Variants in CHCHD3 observed in about 807,000 individuals in gnomAD.
CHCHD3 encodes coiled-coil-helix-coiled-coil-helix domain containing 3, also known as MICOS complex subunit MIC19.
Under a neutral mutation model 38.2 loss-of-function variants are expected in CHCHD3, and 20 were observed. The ratio of observed to expected loss-of-function variants is 0.52; its 90% CI spans 0.37 to 0.76. The LOEUF (loss-of-function observed/expected upper bound fraction) is 0.76. Ranked by LOEUF, CHCHD3 falls within the 30% of genes least tolerant of loss-of-function variation. The probability of loss-of-function intolerance (pLI) is 0.00; values close to 1 mark genes in which losing one functional copy is unlikely to be tolerated. For missense variants in CHCHD3, 245 were observed against 279.2 expected, an observed-to-expected ratio of 0.88 and a Z score of 0.87; for synonymous variants, 82 against 100.0, an observed-to-expected ratio of 0.82 and a Z score of 1.07.
chr7:132,986,958 G>T (rs1812139072), intron 3 of CHCHD3, among the ~76,000 whole-genome samples: 1 of 151,956 alleles, frequency 6.6e-6, no homozygotes, highest in Non-Finnish European at 1.5e-5. Context: ...GTACAAGAAG[G>T]TCTACACAAT....
intron 4 of CHCHD3, among the ~76,000 whole-genome samples, chr7:132,938,535 C>T (rs1307533049): frequency 6.6e-6 from 1 of 151,838 alleles, no homozygotes; most frequent in Middle Eastern, 3.2e-3. Flanking sequence ...ACACAGGCAG[C>T]CTAGGCAAGT....
chr7:132,976,239 A>G lies in CHCHD3; in HGVS notation c.252-953T>C, dbSNP rs138953978. 8.9e-4 allele frequency among the ~76,000 whole-genome samples: 135 copies of G among 152,310 alleles called. No individual in the cohort carries two copies. In the Middle Eastern group the frequency reaches 0.031, roughly 35 times the overall value. On this transcript the variant is annotated intron_variant, in intron 3 of 7. Transcript: ENST00000262570. ...GGCTCCTCACTTCTGGAATGACTCCAATCGATCTGTTAGCTCCAAACTAAA... is the reference window on the plus strand; with the variant it reads ...GGCTCCTCACTTCTGGAATGACTCCGATCGATCTGTTAGCTCCAAACTAAA...
intron 2 of CHCHD3, among the ~76,000 whole-genome samples, chr7:133,068,280 A>G (rs1346905616): frequency 1.3e-5 from 2 of 152,236 alleles, no homozygotes; most frequent in Non-Finnish European, 2.9e-5. Context: ...ATAAGCACTT[A>G]CTAAGAAGCA....
At chr7:132,827,936 A>T (rs1402445879) in intron 6 of CHCHD3, among the ~76,000 whole-genome samples, 1 of 152,162 alleles carries the variant, frequency 6.6e-6, no homozygotes, top group African/African-American at 2.4e-5. Context: ...TATTCCAATC[A>T]GCTTTGCCAT....
In CHCHD3 at chr7:132,933,751, T is replaced by C. The variant is rs140832811; in HGVS notation, c.369+41418A>G. 6.6e-4 allele frequency among the ~76,000 whole-genome samples: 100 copies of C among 152,250 alleles called. 2 individuals are homozygous for C. The highest frequency in any genetic ancestry group is 2.3e-3 in the African/African-American group (97 of 41,544). On this transcript the variant is annotated intron_variant, in intron 4 of 7. Transcript: ENST00000262570. Reference sequence around the variant, plus strand: ...ATTACTCACTCAGGCACAGGAAAGGTGAAAAGAATCCCTGGGCAAAGGGGC... The same window carrying C: ...ATTACTCACTCAGGCACAGGAAAGGCGAAAAGAATCCCTGGGCAAAGGGGC...
intron 4 of CHCHD3, among the ~76,000 whole-genome samples, chr7:132,920,595 C>G (rs1810236134): frequency 6.6e-6 from 1 of 152,072 alleles, no homozygotes; most frequent in Non-Finnish European, 1.5e-5. Context: ...TTTACTCTGT[C>G]GTCATGAAAA....
At chr7:132,832,978 A>G (rs1807686593) in intron 6 of CHCHD3, among the ~76,000 whole-genome samples, 1 of 152,226 alleles carries the variant, frequency 6.6e-6, no homozygotes, top group Non-Finnish European at 1.5e-5. Context: ...GAATTTGTTT[A>G]AAAACAAATA....
intron 3 of CHCHD3, among the ~76,000 whole-genome samples, chr7:132,977,981 C>T (rs937091069): frequency 1.3e-5 from 2 of 152,092 alleles, no homozygotes; most frequent in Admixed American, 6.6e-5. Context: ...GATATGCAAA[C>T]TCTGGGTCCA....
At chr7:132,897,704 C>A (rs1229815757) in intron 4 of CHCHD3, among the ~76,000 whole-genome samples, 2 of 152,178 alleles carry the variant, frequency 1.3e-5, no homozygotes, top group African/African-American at 4.8e-5. Context: ...CCCTATTCAA[C>A]ATAAAGATTT....
chr7:132,914,775 G>A (rs567570908), intron 4 of CHCHD3, among the ~76,000 whole-genome samples: 1 of 152,046 alleles, frequency 6.6e-6, no homozygotes, highest in East Asian at 1.9e-4. Flanking sequence ...ACTCTGAAAT[G>A]ACAGATAATC....
At chr7:133,044,655 G>T (rs1562947166) in intron 2 of CHCHD3, among the ~76,000 whole-genome samples, 1 of 152,196 alleles carries the variant, frequency 6.6e-6, no homozygotes, top group Admixed American at 6.5e-5. Flanking sequence ...CAGGCCAAAA[G>T]CTTTTGCAAG....
In CHCHD3 at chr7:132,785,637, T is replaced by C; in HGVS notation, c.684A>G (p.Ter228=). 6.2e-7 allele frequency: 1 copy of C among 1,614,122 alleles called. No homozygotes were observed. Among genetic ancestry groups the C allele is most frequent in the Non-Finnish European group, 8.5e-7 (1 of 1,180,000 alleles). Residue 228 remains the stop codon, a stop_retained_variant, in exon 8 of 8, where the codon TAA becomes TAG. Transcript: ENST00000262570. ...AKQSMLEKGG[*] Reference sequence around the variant, plus strand: ...GGTGTTTTGCTCATTCTGAAAGTTTTTATCCTCCCTTCTCAAGCATGCTCT... The same window carrying C: ...GGTGTTTTGCTCATTCTGAAAGTTTCTATCCTCCCTTCTCAAGCATGCTCT...
At chr7:132,992,455 T>A (rs1812308175) in intron 3 of CHCHD3, among the ~76,000 whole-genome samples, 1 of 152,012 alleles carries the variant, frequency 6.6e-6, no homozygotes, top group Non-Finnish European at 1.5e-5. Flanking sequence ...TTTTAACAAC[T>A]ACCTCTTCCC....
intron 5 of CHCHD3, among the ~76,000 whole-genome samples, chr7:132,880,899 C>T (rs1809033605): frequency 6.6e-6 from 1 of 152,140 alleles, no homozygotes; most frequent in Non-Finnish European, 1.5e-5. Context: ...GAAAGCTGTT[C>T]TCAACTTCCT....
At position 132,992,458 on chromosome 7, in the gene CHCHD3, C is replaced by G. The variant is rs1812308389; in HGVS notation, c.252-17172G>C. On this transcript the variant is annotated intron_variant, in intron 3 of 7. Coordinates refer to ENST00000262570, the MANE Select transcript of CHCHD3 (RefSeq NM_017812.4). ...CAAGCTTTAATGTTTTAACAACTAC[C>G]TCTTCCCATTGCTCCCCCAGTGCTA... 1.3e-5 allele frequency among the ~76,000 whole-genome samples: 2 copies of G among 151,988 alleles called. 1 individual carries two copies. The highest frequency in any genetic ancestry group is 4.1e-4 in the South Asian group (2 of 4,832).
At chr7:133,066,136 A>C (rs1814662897) in intron 2 of CHCHD3, among the ~76,000 whole-genome samples, 1 of 152,218 alleles carries the variant, frequency 6.6e-6, no homozygotes, top group African/African-American at 2.4e-5. Context: ...GCAACTTCAG[A>C]GCTAAAGTTT....
chr7:132,969,365 G>A (rs985999485), intron 4 of CHCHD3, among the ~76,000 whole-genome samples: 16 of 151,962 alleles, frequency 1.1e-4, no homozygotes, highest in Non-Finnish European at 2.4e-4. Flanking sequence ...AATATATGAC[G>A]AAGGACAATG....
At chr7:132,887,391 A>G (rs1176061920) in intron 4 of CHCHD3, among the ~76,000 whole-genome samples, 1 of 151,826 alleles carries the variant, frequency 6.6e-6, no homozygotes, top group Non-Finnish European at 1.5e-5. Flanking sequence ...TACATAATCT[A>G]AAGAGAAAAG....
intron 4 of CHCHD3, among the ~76,000 whole-genome samples, chr7:132,961,142 TGTG>T (rs1207419237): frequency 6.6e-6 from 1 of 151,896 alleles, no homozygotes; most frequent in Non-Finnish European, 1.5e-5. Flanking sequence ...ATTAGCCAGG[TGTG>T]GTAGTACACA....
Sources: allele counts gnomAD v4.1 joint callset (sites outside exome capture counted in the v4.1 genomes callset), GRCh38; gene constraint gnomAD v4.1.1; transcripts MANE v1.5; gene names NCBI Gene and HGNC (gene_info 2026-07-23, HGNC 2026-07-21).